Variants in MAP4K4 observed in about 807,000 individuals in gnomAD.
The protein encoded by MAP4K4 is mitogen-activated protein kinase kinase kinase kinase 4.
In MAP4K4, 38 loss-of-function variants were observed where a neutral mutation model predicts 189.6. The ratio of observed to expected loss-of-function variants is 0.20; its 90% CI spans 0.15 to 0.26. MAP4K4 has a LOEUF of 0.26. Ranked by LOEUF, MAP4K4 falls within the 10% of genes least tolerant of loss-of-function variation. The pLI, the probability that MAP4K4 is intolerant of heterozygous loss-of-function variation, is 1.00. For synonymous variants in MAP4K4, 610 were observed against 624.3 expected, an observed-to-expected ratio of 0.98 and a Z score of 0.34; for missense variants, 1,054 against 1,726.9, an observed-to-expected ratio of 0.61 and a Z score of 6.91.
At chr2:101,873,580 A>G (rs998367510) in intron 24 of MAP4K4, 67 bp from the exon 25 acceptor site, 2 of 833,966 alleles carry the variant, frequency 2.4e-6, no homozygotes, top group African/African-American at 1.7e-5. Flanking sequence ...GTGAATTGAA[A>G]TGTGTATTTT....
At chr2:101,891,352 G>A (rs1159466819) in exon 33 of MAP4K4, 1 of 940,534 alleles carries the variant, frequency 1.1e-6, no homozygotes, top group Non-Finnish European at 1.7e-6. Context: ...GGGCAACCAG[G>A]ACAGCTGTGT....
chr2:101,855,849 C>A, intron 12 of MAP4K4, 128 bp from the exon 13 acceptor site: 1 of 796,424 alleles, frequency 1.3e-6, no homozygotes, highest in Non-Finnish European at 1.9e-6. Flanking sequence ...AATAATTGGC[C>A]AGTAGATATG....
intron 2 of MAP4K4, among the ~76,000 whole-genome samples, chr2:101,744,580 G>A (rs1342233293): frequency 1.3e-5 from 2 of 152,010 alleles, no homozygotes; most frequent in African/African-American, 4.8e-5. Flanking sequence ...CCAGTCTGTG[G>A]TCTTCTCCTT....
chr2:101,864,588 A>G (rs2097764307), intron 17 of MAP4K4, among the ~76,000 whole-genome samples: 1 of 152,142 alleles, frequency 6.6e-6, no homozygotes, highest in Non-Finnish European at 1.5e-5. Context: ...TGATCCATTT[A>G]TAGACCATTG....
intron 12 of MAP4K4, among the ~76,000 whole-genome samples, chr2:101,846,303 G>C (rs1323073993): frequency 1.3e-5 from 2 of 152,218 alleles, no homozygotes; most frequent in Non-Finnish European, 2.9e-5. Flanking sequence ...TAGAATGCTT[G>C]AGTTTTGAGA....
intron 15 of MAP4K4, 88 bp downstream of exon 15, chr2:101,859,952 G>A (rs2097586565): frequency 1.5e-6 from 2 of 1,297,512 alleles, no homozygotes; most frequent in South Asian, 2.5e-5. Flanking sequence ...TCTAGAACGG[G>A]CCATAGAGTT....
intron 2 of MAP4K4, among the ~76,000 whole-genome samples, chr2:101,703,176 G>A (rs2039991782): frequency 6.6e-6 from 1 of 152,150 alleles, no homozygotes; most frequent in African/African-American, 2.4e-5. Context: ...GTGGTCCAGT[G>A]ACAGGAGGTG....
At chr2:101,889,383 A>AC (rs2098533113) in intron 32 of MAP4K4, among the ~76,000 whole-genome samples, 1 of 152,170 alleles carries the variant, frequency 6.6e-6, no homozygotes. Context: ...GGTTTGCATG[A>AC]CAGAAATGTT....
At chr2:101,787,152 C>CACA (rs2091574417) in intron 2 of MAP4K4, among the ~76,000 whole-genome samples, 1 of 152,164 alleles carries the variant, frequency 6.6e-6, no homozygotes, top group African/African-American at 2.4e-5. Context: ...TCTCTCCATG[C>CACA]ACAAGTTAGG....
chr2:101,782,520 C>T (rs2088172607), intron 2 of MAP4K4, among the ~76,000 whole-genome samples: 1 of 152,174 alleles, frequency 6.6e-6, no homozygotes, highest in Admixed American at 6.5e-5. Flanking sequence ...CAGCCCTGAT[C>T]ACAGAAGGAA....
chr2:101,702,342 G>A (rs1255469858), intron 2 of MAP4K4, among the ~76,000 whole-genome samples: 2 of 151,958 alleles, frequency 1.3e-5, no homozygotes, highest in South Asian at 2.1e-4. Context: ...GCAGGTGGGC[G>A]GATCACTTGA....
chr2:101,739,423 C>A (rs1423778745), intron 2 of MAP4K4, among the ~76,000 whole-genome samples: 1 of 151,938 alleles, frequency 6.6e-6, no homozygotes, highest in Non-Finnish European at 1.5e-5. Context: ...TCTAAAGCTT[C>A]TATTTACTTT....
In MAP4K4 at chr2:101,745,438, TA is replaced by T. The variant is rs10678749; in HGVS notation, c.124-45262del. On this transcript the variant is annotated intron_variant, in intron 2 of 32. Transcript: ENST00000324219. ...ATACAATTCAAGATTTGCCCCCAGG[TA>T]AAAAAAAAAAAAAAAAAAAGTATTA... Among the ~76,000 whole-genome samples the T allele has an allele frequency of 9.1e-3, 834 of 91,678 alleles. 8 individuals carry two copies. Among genetic ancestry groups the T allele is most frequent in the African/African-American group, 0.024 (627 of 26,218 alleles). 60.1% of individuals were successfully genotyped at this position (91,678 alleles called of 152,430 possible).
exon 22 of MAP4K4, chr2:101,869,704 G>C: frequency 6.2e-7 from 1 of 1,603,754 alleles, no homozygotes; most frequent in Non-Finnish European, 8.5e-7. Flanking sequence ...TCCTCATCCA[G>C]TGAGGAGTCG....
At chr2:101,768,748 A>G (rs573100961) in intron 2 of MAP4K4, among the ~76,000 whole-genome samples, 1 of 152,336 alleles carries the variant, frequency 6.6e-6, no homozygotes, top group African/African-American at 2.4e-5. Flanking sequence ...CCAACAGTCT[A>G]AATCTAAGGG....
chr2:101,827,615 G>A (rs2096418520), intron 5 of MAP4K4, among the ~76,000 whole-genome samples: 1 of 152,180 alleles, frequency 6.6e-6, no homozygotes, highest in Admixed American at 6.5e-5. Context: ...GAATGGGGAG[G>A]GTCCTGAGCA....
At chr2:101,859,647 G>A (rs1356278858) in exon 15 of MAP4K4, 1 of 1,603,912 alleles carries the variant, frequency 6.2e-7, no homozygotes, top group South Asian at 1.1e-5. Flanking sequence ...TCCAAGGAGT[G>A]CCGATGGCGG....
In MAP4K4 at chr2:101,886,086, A is replaced by C. The variant is rs191069183; in HGVS notation, c.3621+799A>C. 2.5e-3 allele frequency among the ~76,000 whole-genome samples: 383 copies of C among 152,328 alleles called. 12 individuals are homozygous for C. The highest frequency in any genetic ancestry group is 0.025 in the Admixed American group (376 of 15,300). On this transcript the variant is annotated intron_variant, in intron 29 of 32. Coordinates refer to ENST00000324219, the Ensembl canonical transcript of MAP4K4. ...GTGAAGCAGGATAGATGGAGTCACAATATTCGCTTAAAAAATAATATTCAC... is the reference window on the plus strand; with the variant it reads ...GTGAAGCAGGATAGATGGAGTCACACTATTCGCTTAAAAAATAATATTCAC...
chr2:101,893,062 A>G (rs777094403), exon 33 of MAP4K4: 2 of 456,414 alleles, frequency 4.4e-6, no homozygotes, highest in South Asian at 3.1e-5. Context: ...GCTCCCACCC[A>G]CCTAAACACA....
Sources: gnomAD v4.1 joint callset for allele counts (sites outside exome capture counted in the v4.1 genomes callset) on GRCh38, gnomAD v4.1.1 for gene constraint, MANE v1.5 for transcripts, NCBI Gene and HGNC (gene_info 2026-07-23, HGNC 2026-07-21) for gene names.